Variants in TRPM3 observed in about 807,000 individuals in gnomAD.
TRPM3 encodes long transient receptor potential channel 3.
A neutral mutation model predicts 181.2 loss-of-function variants in TRPM3; 77 were observed. The observed-to-expected ratio is 0.42, with a 90% CI of 0.35 to 0.51. The LOEUF (loss-of-function observed/expected upper bound fraction) is 0.51. Ranked by LOEUF, TRPM3 falls within the 20% of genes least tolerant of loss-of-function variation. The pLI, the probability that TRPM3 is intolerant of heterozygous loss-of-function variation, is 0.01. For synonymous variants in TRPM3, 745 were observed against 796.4 expected (o/e 0.94, Z 1.09); for missense variants, 1,759 against 2,196.7 (o/e 0.80, Z 3.98).
intron 1 of TRPM3, among the ~76,000 whole-genome samples, chr9:71,148,355 T>C (rs2075548103): frequency 6.6e-6 from 1 of 152,148 alleles, no homozygotes; most frequent in Non-Finnish European, 1.5e-5. Context: ...TTGGAAATAA[T>C]TTACATTTTT....
chr9:70,565,753 A>G (rs567315304), intron 22 of TRPM3, among the ~76,000 whole-genome samples: 1 of 152,224 alleles, frequency 6.6e-6, no homozygotes, highest in Non-Finnish European at 1.5e-5. Context: ...TTACTAAATC[A>G]TTTTGTGAAG....
At position 71,414,920 on chromosome 9, in the gene TRPM3, T is replaced by C. The variant is rs901789072; in HGVS notation, c.183+31733A>G. On this transcript the variant is annotated intron_variant, in intron 1 of 24. Transcript: ENST00000357533. ...TTTTAGGTCATTGTAACAGCCTGCA[T>C]CATGGCCCTTAAAGATATGAGGTTA... 3.3e-5 allele frequency among the ~76,000 whole-genome samples: 5 copies of C among 152,094 alleles called. No individual in the cohort carries two copies. In the South Asian group the frequency reaches 1.0e-3, roughly 31 times the overall value.
chr9:71,341,246 T>C (rs1032080813), intron 1 of TRPM3, among the ~76,000 whole-genome samples: 4 of 152,146 alleles, frequency 2.6e-5, no homozygotes, highest in African/African-American at 7.2e-5. Flanking sequence ...TCAACAAAAG[T>C]GTAAGCAGAA....
At chr9:71,148,689 A>G (rs1170375059) in intron 1 of TRPM3, among the ~76,000 whole-genome samples, 1 of 152,206 alleles carries the variant, frequency 6.6e-6, no homozygotes, top group African/African-American at 2.4e-5. Context: ...TTCAACATAC[A>G]AGACTCAGAG....
chr9:70,910,776 A>C (rs1034097899), intron 1 of TRPM3, among the ~76,000 whole-genome samples: 1 of 152,184 alleles, frequency 6.6e-6, no homozygotes, highest in African/African-American at 2.4e-5. Flanking sequence ...GCGTATAGTT[A>C]CTATTTTCAT....
At chr9:70,641,510 T>A (rs1282994303) in intron 9 of TRPM3, among the ~76,000 whole-genome samples, 1 of 152,360 alleles carries the variant, frequency 6.6e-6, no homozygotes, top group Non-Finnish European at 1.5e-5. Context: ...GATTTGTGGG[T>A]AGAAACCATT....
At chr9:71,072,133 T>A (rs996178275) in intron 1 of TRPM3, among the ~76,000 whole-genome samples, 1 of 152,196 alleles carries the variant, frequency 6.6e-6, no homozygotes. Flanking sequence ...GATTTCTTTA[T>A]ATAGGAAAGC....
At chr9:70,678,317 G>T (rs980880896) in intron 9 of TRPM3, among the ~76,000 whole-genome samples, 16 of 151,722 alleles carry the variant, frequency 1.1e-4, no homozygotes, top group African/African-American at 3.9e-4. Context: ...GCCTAGGCTG[G>T]GGTGCAGTGG....
chr9:71,179,608 C>T (rs972392427), intron 1 of TRPM3, among the ~76,000 whole-genome samples: 3 of 152,124 alleles, frequency 2.0e-5, no homozygotes, highest in Admixed American at 1.3e-4. Context: ...GAAACTGAAA[C>T]TGTAACACAG....
chr9:70,890,063 A>T (rs1368717091), intron 1 of TRPM3, among the ~76,000 whole-genome samples: 2 of 148,154 alleles, frequency 1.3e-5, no homozygotes, highest in Non-Finnish European at 1.5e-5. Context: ...TATAATATAC[A>T]AATATAGTGT....
At chr9:70,570,302 G>GTT (rs142779238) in intron 22 of TRPM3, among the ~76,000 whole-genome samples, 238 of 68,408 alleles carry the variant, frequency 3.5e-3, no homozygotes, top group Non-Finnish European at 4.5e-3. Flanking sequence ...TATTACTAGA[G>GTT]TTTTTTTTTT....
intron 3 of TRPM3, among the ~76,000 whole-genome samples, chr9:70,846,994 ATTATT>A (rs1259665941): frequency 6.6e-6 from 1 of 152,122 alleles, no homozygotes; most frequent in Non-Finnish European, 1.5e-5. Context: ...CTGTGACCCT[ATTATT>A]TTAAGAGGAT....
intron 1 of TRPM3, among the ~76,000 whole-genome samples, chr9:71,009,735 AT>A (rs2097716336): frequency 6.6e-6 from 1 of 152,128 alleles, no homozygotes; most frequent in Non-Finnish European, 1.5e-5. Flanking sequence ...AAAAAAATAA[AT>A]TCATATGGAA....
At chr9:71,322,178 G>A (rs774921092) in intron 1 of TRPM3, among the ~76,000 whole-genome samples, 1 of 151,868 alleles carries the variant, frequency 6.6e-6, no homozygotes, top group Non-Finnish European at 1.5e-5. Flanking sequence ...GAGGGATAGT[G>A]GTATGTCATG....
intron 1 of TRPM3, among the ~76,000 whole-genome samples, chr9:71,201,702 C>G (rs1342709583): frequency 2.6e-5 from 4 of 152,152 alleles, no homozygotes; most frequent in East Asian, 1.9e-4. Flanking sequence ...ATGTAGTTCT[C>G]GAGCCTTGGC....
At chr9:70,914,489 A>G (rs2096570358) in intron 1 of TRPM3, among the ~76,000 whole-genome samples, 1 of 152,248 alleles carries the variant, frequency 6.6e-6, no homozygotes, top group African/African-American at 2.4e-5. Flanking sequence ...GTGCCAAAAG[A>G]AAATCCCTGC....
intron 1 of TRPM3, among the ~76,000 whole-genome samples, chr9:70,909,080 GC>G (rs1204601810): frequency 6.6e-6 from 1 of 152,156 alleles, no homozygotes. Context: ...AGCATGAACT[GC>G]AGGTGAAAAA....
At chr9:70,682,482 A>G (rs1335237886) in intron 8 of TRPM3, among the ~76,000 whole-genome samples, 3 of 152,114 alleles carry the variant, frequency 2.0e-5, no homozygotes, top group Non-Finnish European at 4.4e-5. Flanking sequence ...GGTAAAGTCC[A>G]TTACAGTGTT....
intron 22 of TRPM3, among the ~76,000 whole-genome samples, chr9:70,573,972 TCACACACACACACACACACACACACA>T (rs59193514): frequency 7.1e-6 from 1 of 140,938 alleles, no homozygotes; most frequent in Non-Finnish European, 1.5e-5. Flanking sequence ...GCAATTCATT[TCACACACACACACACACACACACACA>T]CACACACACA....
Sources: gnomAD v4.1 joint callset for allele counts (sites outside exome capture counted in the v4.1 genomes callset) on GRCh38, gnomAD v4.1.1 for gene constraint, MANE v1.5 for transcripts, NCBI Gene and HGNC (gene_info 2026-07-23, HGNC 2026-07-21) for gene names.